NXN: variants seen among roughly 807,000 people sequenced by gnomAD.
NXN encodes nucleoredoxin.
A neutral mutation model predicts 48.6 loss-of-function variants in NXN; 16 were observed. The observed-to-expected ratio is 0.33, with a 90% CI of 0.22 to 0.50. NXN has a LOEUF of 0.50. NXN is among the 20% of genes least tolerant of loss of function. The pLI is 0.98. For synonymous variants in NXN, 281 were observed against 269.6 expected, an observed-to-expected ratio of 1.04 and a Z score of -0.41; for missense variants, 492 against 605.5, an observed-to-expected ratio of 0.81 and a Z score of 1.97.
At chr17:858,350 A>T (rs1212262895) in intron 1 of NXN, among the ~76,000 whole-genome samples, 1 of 152,108 alleles carries the variant, frequency 6.6e-6, no homozygotes. Flanking sequence ...AGTATATTTA[A>T]AGAAAAATGT....
rs1159492883 is a variant in NXN at position 841,603 on chromosome 17, C to T, written c.361-15525G>A. Among the ~76,000 whole-genome samples the T allele has an allele frequency of 6.8e-3, 152 of 22,384 alleles. 7 individuals are homozygous for T. Among genetic ancestry groups the T allele is most frequent in the Admixed American group, 0.012 (20 of 1,730 alleles). 14.7% of individuals were successfully genotyped at this position (22,384 alleles called of 152,430 possible). ...TCTCACGCCGGCGAGCAGGTCCCCCCGACCACAGAGCATCTCACACGGGCA... is the reference window on the plus strand; with the variant it reads ...TCTCACGCCGGCGAGCAGGTCCCCCTGACCACAGAGCATCTCACACGGGCA... On this transcript the variant is annotated intron_variant, in intron 1 of 7. Transcript: ENST00000336868.
At position 923,586 on chromosome 17, in the gene NXN, T is replaced by A. The variant is rs76539494; in HGVS notation, c.360+55733A>T. On this transcript the variant is annotated intron_variant, in intron 1 of 7. Transcript: ENST00000336868. ...TCCCATCCAAGCAAAAATTGGAAAATGTAATGTTCAACAACATATCCATAT... is the reference window on the plus strand; with the variant it reads ...TCCCATCCAAGCAAAAATTGGAAAAAGTAATGTTCAACAACATATCCATAT... Among the ~76,000 whole-genome samples the A allele has an allele frequency of 3.3e-5, 5 of 152,314 alleles. No individual in the cohort carries two copies. The East Asian group carries it at 9.6e-4, about 29-fold the overall frequency.
At chr17:893,030 A>G (rs1188787598) in intron 1 of NXN, among the ~76,000 whole-genome samples, 1 of 152,262 alleles carries the variant, frequency 6.6e-6, no homozygotes, top group Non-Finnish European at 1.5e-5. Flanking sequence ...TGAAAACCTA[A>G]AACTGTTCTA....
intron 1 of NXN, among the ~76,000 whole-genome samples, chr17:886,228 G>A (rs969438498): frequency 4.6e-5 from 7 of 152,018 alleles, no homozygotes; most frequent in East Asian, 3.9e-4. Context: ...GGAAAACTAC[G>A]CAAGGCCATG....
chr17:965,986 G>T (rs2069297945), intron 1 of NXN, among the ~76,000 whole-genome samples: 1 of 151,438 alleles, frequency 6.6e-6, no homozygotes, highest in Non-Finnish European at 1.5e-5. Flanking sequence ...TGTGGTGGCG[G>T]GCACCTGTAG....
rs148868745 is a variant in NXN at position 833,917 on chromosome 17, C to T, written c.361-7839G>A. On this transcript the variant is annotated intron_variant, in intron 1 of 7. Transcript: ENST00000336868. ...AAAGAAAAAAAAATCTCACTCTCCC[C>T]GCTCTCCCACTGTCGCTGTGTTCCT... Among the ~76,000 whole-genome samples the T allele has an allele frequency of 5.9e-5, 9 of 152,330 alleles. No individual in the cohort carries two copies. The East Asian group carries it at 7.7e-4, about 13-fold the overall frequency.
At chr17:951,789 G>C (rs1454341945) in intron 1 of NXN, among the ~76,000 whole-genome samples, 1 of 152,206 alleles carries the variant, frequency 6.6e-6, no homozygotes, top group African/African-American at 2.4e-5. Flanking sequence ...TTCACCTGGG[G>C]TCCCGTGGGT....
At chr17:901,824 T>A (rs2068540736) in intron 1 of NXN, among the ~76,000 whole-genome samples, 1 of 152,064 alleles carries the variant, frequency 6.6e-6, no homozygotes, top group Admixed American at 6.6e-5. Context: ...CTCAGCCTCC[T>A]GAGTAGTTGG....
At chr17:826,363 T>C (rs930209943) in intron 1 of NXN, among the ~76,000 whole-genome samples, 10 of 152,110 alleles carry the variant, frequency 6.6e-5, no homozygotes, top group African/African-American at 2.2e-4. Context: ...TGGAGGCTGA[T>C]GACCCCACTG....
At chr17:970,631 T>A (rs1254534140) in intron 1 of NXN, among the ~76,000 whole-genome samples, 1 of 152,170 alleles carries the variant, frequency 6.6e-6, no homozygotes, top group East Asian at 1.9e-4. Context: ...CTCCTCCTCC[T>A]CCATGCGGAA....
chr17:804,075 A>G (rs1911350918), intron 6 of NXN: 1 of 421,468 alleles, frequency 2.4e-6, no homozygotes. Flanking sequence ...TCTCCCAGGT[A>G]GACAGTCTTC....
At chr17:927,246 A>G (rs1285843423) in intron 1 of NXN, among the ~76,000 whole-genome samples, 2 of 151,386 alleles carry the variant, frequency 1.3e-5, no homozygotes, top group South Asian at 2.1e-4. Context: ...GTGCCACTAC[A>G]CTCCAGCCTG....
At chr17:889,913 C>T (rs1362897646) in intron 1 of NXN, among the ~76,000 whole-genome samples, 1 of 152,096 alleles carries the variant, frequency 6.6e-6, no homozygotes, top group Non-Finnish European at 1.5e-5. Flanking sequence ...CCACGTTTTC[C>T]CTTCGCTCCC....
intron 5 of NXN, among the ~76,000 whole-genome samples, chr17:816,939 G>A (rs1273299146): frequency 6.6e-6 from 1 of 152,168 alleles, no homozygotes; most frequent in African/African-American, 2.4e-5. Flanking sequence ...TCTGCAGAGG[G>A]CCAGGCAGGA....
intron 5 of NXN, among the ~76,000 whole-genome samples, chr17:806,118 G>A (rs1016092601): frequency 1.1e-4 from 16 of 150,724 alleles, no homozygotes; most frequent in Admixed American, 7.9e-4. Context: ...TGCAGCCCCC[G>A]CCGTCTGCAC....
intron 1 of NXN, among the ~76,000 whole-genome samples, chr17:974,183 A>C (rs1463810028): frequency 1.3e-5 from 2 of 151,628 alleles, no homozygotes; most frequent in Non-Finnish European, 2.9e-5. Context: ...CCCCGTCTCT[A>C]CTAAAAATAC....
intron 5 of NXN, among the ~76,000 whole-genome samples, chr17:810,320 GTTACGAGTGCA>G (rs1911906756): frequency 2.7e-5 from 4 of 148,702 alleles, no homozygotes; most frequent in Non-Finnish European, 4.5e-5. Context: ...TGGTGTGCAC[GTTACGAGTGCA>G]TGTGAGTGGC....
intron 1 of NXN, among the ~76,000 whole-genome samples, chr17:922,440 G>A (rs571075404): frequency 3.3e-5 from 5 of 151,832 alleles, no homozygotes; most frequent in East Asian, 2.0e-4. Context: ...GCAAAACTCC[G>A]TCTCAAAAAA....
chr17:801,887 C>T (rs1387122050), intron 7 of NXN, among the ~76,000 whole-genome samples: 3 of 152,216 alleles, frequency 2.0e-5, no homozygotes, highest in Admixed American at 1.3e-4. Context: ...CCAACTCCCA[C>T]CCCTGTGGTT....
Sources: allele counts gnomAD v4.1 joint callset (sites outside exome capture counted in the v4.1 genomes callset), GRCh38; gene constraint gnomAD v4.1.1; transcripts MANE v1.5; gene names NCBI Gene and HGNC (gene_info 2026-07-23, HGNC 2026-07-21).